FILIP1L: variants seen among roughly 807,000 people sequenced by gnomAD.
The protein encoded by FILIP1L is filamin A interacting protein 1 like.
In FILIP1L, 55 loss-of-function variants were observed where a neutral mutation model predicts 96.6. That is an observed-to-expected ratio of 0.57 (90% CI 0.46 to 0.71). The LOEUF is 0.71. Among genes scored for constraint, FILIP1L ranks in the 30% least tolerant of loss-of-function variants. FILIP1L has a pLI of 0.00. For missense variants in FILIP1L, 1,304 were observed against 1,321.2 expected (o/e 0.99, Z 0.20); for synonymous variants, 467 against 473.9 (o/e 0.99, Z 0.19).
intron 1 of FILIP1L, among the ~76,000 whole-genome samples, chr3:100,061,580 A>G (rs1411666899): frequency 1.3e-5 from 2 of 152,258 alleles, no homozygotes; most frequent in East Asian, 1.9e-4. Flanking sequence ...GCTTTACCTC[A>G]TAATAAGAGC....
chr3:99,939,389 A>G (rs1010263611), intron 1 of FILIP1L, among the ~76,000 whole-genome samples: 1 of 152,210 alleles, frequency 6.6e-6, no homozygotes, highest in African/African-American at 2.4e-5. Context: ...CCTTTAACCG[A>G]AAGGACTCTA....
chr3:99,934,010 C>A (rs975650183), intron 1 of FILIP1L, among the ~76,000 whole-genome samples: 2 of 152,148 alleles, frequency 1.3e-5, no homozygotes, highest in African/African-American at 4.8e-5. Context: ...CGGGCTCTCA[C>A]GTATTTGGCT....
At chr3:99,938,117 G>A (rs1707747426) in intron 1 of FILIP1L, among the ~76,000 whole-genome samples, 1 of 152,064 alleles carries the variant, frequency 6.6e-6, no homozygotes, top group South Asian at 2.1e-4. Flanking sequence ...GCTGGGTGGG[G>A]AAGAAATGTT....
chr3:100,035,914 G>A (rs2065099698), intron 1 of FILIP1L, among the ~76,000 whole-genome samples: 2 of 152,100 alleles, frequency 1.3e-5, no homozygotes, highest in African/African-American at 2.4e-5. Context: ...TATGTGATTT[G>A]AACTTTGTTG....
chr3:100,097,360 G>A (rs1490744787), intron 1 of FILIP1L, among the ~76,000 whole-genome samples: 1 of 152,166 alleles, frequency 6.6e-6, no homozygotes, highest in African/African-American at 2.4e-5. Context: ...AAAGGCTACA[G>A]GAGGATCTGC....
At chr3:99,876,210 A>T (rs909307156) in intron 4 of FILIP1L, 6 of 985,274 alleles carry the variant, frequency 6.1e-6, no homozygotes, top group Non-Finnish European at 7.2e-6. Flanking sequence ...TATGGGCGTT[A>T]CGTCACTGTT....
At chr3:100,087,962 C>CT (rs944694149) in intron 1 of FILIP1L, among the ~76,000 whole-genome samples, 4 of 151,512 alleles carry the variant, frequency 2.6e-5, no homozygotes, top group African/African-American at 9.7e-5. Context: ...TCTCAAGTAG[C>CT]TGGGATTACA....
At chr3:99,969,569 C>A (rs917847104) in intron 1 of FILIP1L, among the ~76,000 whole-genome samples, 1 of 152,132 alleles carries the variant, frequency 6.6e-6, no homozygotes, top group Non-Finnish European at 1.5e-5. Context: ...GCTATCCCAA[C>A]TGGGTAAAGC....
At chr3:99,956,621 A>G (rs1708327189) in intron 1 of FILIP1L, among the ~76,000 whole-genome samples, 1 of 152,220 alleles carries the variant, frequency 6.6e-6, no homozygotes, top group African/African-American at 2.4e-5. Context: ...TGCTGGGATT[A>G]AAGGCGTGAG....
intron 1 of FILIP1L, among the ~76,000 whole-genome samples, chr3:100,099,446 G>A (rs2066266806): frequency 6.6e-6 from 1 of 152,156 alleles, no homozygotes. Flanking sequence ...GAAGGTAGAG[G>A]AAGAAGAGAG....
chr3:100,056,140 G>T (rs555479861), intron 1 of FILIP1L, among the ~76,000 whole-genome samples: 1 of 152,324 alleles, frequency 6.6e-6, no homozygotes, highest in South Asian at 2.1e-4. Flanking sequence ...AGGGAGTAGA[G>T]AAGAAAGCTA....
chr3:99,995,676 T>C (rs1348175977), intron 1 of FILIP1L, among the ~76,000 whole-genome samples: 2 of 152,208 alleles, frequency 1.3e-5, no homozygotes, highest in African/African-American at 2.4e-5. Context: ...TCTTCTGACA[T>C]CTAGGCAGAG....
chr3:99,913,818 A>T (rs952381409), intron 4 of FILIP1L, among the ~76,000 whole-genome samples: 1 of 152,274 alleles, frequency 6.6e-6, no homozygotes, highest in African/African-American at 2.4e-5. Context: ...GAAAAAACGT[A>T]GAAAACACAT....
At chr3:99,946,155 G>A (rs1708000922) in intron 1 of FILIP1L, among the ~76,000 whole-genome samples, 1 of 152,148 alleles carries the variant, frequency 6.6e-6, no homozygotes, top group Admixed American at 6.5e-5. Context: ...GACAAAAGGG[G>A]CCCTGCAATC....
chr3:99,835,252 T>G (rs552489218), intron 5 of FILIP1L, among the ~76,000 whole-genome samples: 2 of 152,348 alleles, frequency 1.3e-5, no homozygotes, highest in African/African-American at 4.8e-5. Flanking sequence ...CACTCACATG[T>G]CCTTTATCCT....
At position 99,905,837 on chromosome 3, in the gene FILIP1L, C is replaced by A. The variant is rs371934587; in HGVS notation, c.605+18393G>T. Among the ~76,000 whole-genome samples, 8 of 152,198 alleles carry A rather than the reference C, an allele frequency of 5.3e-5. No homozygotes were observed. The East Asian group carries it at 9.6e-4, about 18-fold the overall frequency. On this transcript the variant is annotated intron_variant, in intron 4 of 5. Transcript: ENST00000477258. ...TTCATATAAATGGAATTTACATTGCCATCAGAAATGTATGCAAACTCTAGT... is the reference window on the plus strand; with the variant it reads ...TTCATATAAATGGAATTTACATTGCAATCAGAAATGTATGCAAACTCTAGT...
chr3:99,998,836 TG>T (rs1239239511), intron 1 of FILIP1L, among the ~76,000 whole-genome samples: 1 of 152,212 alleles, frequency 6.6e-6, no homozygotes, highest in African/African-American at 2.4e-5. Context: ...CCCAAAGTAA[TG>T]GGATTACAGG....
intron 4 of FILIP1L, among the ~76,000 whole-genome samples, chr3:99,894,094 G>GT (rs1380371734): frequency 1.3e-5 from 2 of 152,260 alleles, no homozygotes; most frequent in East Asian, 3.9e-4. Context: ...GATACTCAAA[G>GT]TTTTTTTGTG....
intron 3 of FILIP1L, 102 bp from the exon 4 acceptor site, chr3:99,924,510 T>G: frequency 8.4e-7 from 1 of 1,187,256 alleles, no homozygotes; most frequent in Non-Finnish European, 1.2e-6. Flanking sequence ...GGCAGTGGGT[T>G]TTTTTGGTTT....
Sources: gnomAD v4.1 joint callset for allele counts (sites outside exome capture counted in the v4.1 genomes callset) on GRCh38, gnomAD v4.1.1 for gene constraint, MANE v1.5 for transcripts, NCBI Gene and HGNC (gene_info 2026-07-23, HGNC 2026-07-21) for gene names.